NUP214: variants seen among roughly 807,000 people sequenced by gnomAD.
NUP214 encodes the protein nucleoporin 214.
A neutral mutation model predicts 196.2 loss-of-function variants in NUP214; 79 were observed. That is an observed-to-expected ratio of 0.40 (90% CI 0.34 to 0.49). The LOEUF (loss-of-function observed/expected upper bound fraction) is 0.49. NUP214 is among the 20% of genes least tolerant of loss of function. The probability of loss-of-function intolerance (pLI) is 0.58; values close to 1 mark genes in which losing one functional copy is unlikely to be tolerated. For missense variants in NUP214, 2,468 were observed against 2,539.0 expected (o/e 0.97, Z 0.60); for synonymous variants, 1,020 against 990.5 (o/e 1.03, Z -0.56).
intron 30 of NUP214, among the ~76,000 whole-genome samples, chr9:131,202,695 G>A (rs1280660684): frequency 6.6e-6 from 1 of 151,948 alleles, no homozygotes; most frequent in Non-Finnish European, 1.5e-5. Flanking sequence ...GCCCGCCTTG[G>A]CCTCTCAAAG....
intron 30 of NUP214, among the ~76,000 whole-genome samples, chr9:131,212,074 C>G (rs1834258757): frequency 6.6e-6 from 1 of 152,164 alleles, no homozygotes; most frequent in South Asian, 2.1e-4. Context: ...GGAGAGGTCT[C>G]TAAAATGGCC....
In NUP214 at chr9:131,144,342, G is replaced by A. The variant is rs778869826; in HGVS notation, c.1357G>A (p.Ala453Thr). The A allele has an allele frequency of 1.2e-6, 2 of 1,614,066 alleles. No homozygotes were observed. The highest frequency in any genetic ancestry group is 1.7e-6 in the Non-Finnish European group (2 of 1,180,026). ...APQKLDASAA[A>T]APASLPPSSP... ...ACAGAAACTGGATGCTTCTGCAGCT[G>A]CAGCCCCTGCCTCTCTGCCACCTTC... is the stretch of plus-strand genomic sequence containing the variant. Residue 453 changes from alanine to threonine, a missense_variant, in exon 12 of 36, where the codon GCA becomes ACA. By Grantham distance (58) the Ala-to-Thr change is moderately conservative. Transcript: ENST00000359428.
chr9:131,229,562 G>A (rs1301241705), intron 33 of NUP214: 18 of 396,290 alleles, frequency 4.5e-5, no homozygotes, highest in Middle Eastern at 5.5e-4. Flanking sequence ...GCCTTGGGGC[G>A]GCTCTCACAC....
In NUP214 at chr9:131,222,829, C is replaced by A; in HGVS notation, c.5801C>A (p.Ala1934Asp). Residue 1934 changes from alanine (A) to aspartate (D), a missense_variant, in exon 32 of 36, where the codon GCC becomes GAC. Ala to Asp is a moderately radical substitution (Grantham distance 126). Coordinates refer to ENST00000359428, the MANE Select transcript of NUP214 (RefSeq NM_005085.4). ...GGGGCCAAGACATTTGGTGGATTTG[C>A]CAGCTCGTCGTTTGGAGAGCAGAAA... ...NSGAKTFGGF[A>D]SSSFGEQKPT... 6.2e-7 allele frequency: 1 copy of A among 1,614,198 alleles called. No individual in the cohort carries two copies. The highest frequency in any genetic ancestry group is 1.1e-5 in the South Asian group (1 of 91,086).
At position 131,128,407 on chromosome 9, in the gene NUP214, C is replaced by T. The variant is rs149804256; in HGVS notation, c.317C>T (p.Thr106Ile). The T allele has an allele frequency of 1.4e-4, 228 of 1,613,930 alleles. No homozygotes were observed. The African/African-American group carries it at 2.9e-3, about 20-fold the overall frequency. Residue 106 changes from threonine (T) to isoleucine (I), a missense_variant, in exon 3 of 36, where the codon ACA becomes ATA. By Grantham distance (89) the Thr-to-Ile change is moderately conservative (BLOSUM62 -1). Coordinates refer to ENST00000359428, the MANE Select transcript of NUP214 (RefSeq NM_005085.4). ...CTGGCCTTGAGCTGTGATAACCTCA[C>T]ACTCTCTGCGTGCATGATGTCCAGT... is the stretch of plus-strand genomic sequence containing the variant. Reference protein sequence around the residue: ...HHLALSCDNLTLSACMMSSEY... With the variant: ...HHLALSCDNLILSACMMSSEY...
Position 131,139,417 on chromosome 9 carries a change from G to T in NUP214, c.1132+10G>T. On this transcript the variant is annotated intron_variant, in intron 10 of 35. Transcript: ENST00000359428. ...GTGGAAATCACCATCAGTAAGTGTA[G>T]CCTGGTAGTTAGTGCAGAAATAGTC... 6.2e-7 allele frequency: 1 copy of T among 1,601,924 alleles called. No homozygotes were observed. Among genetic ancestry groups the T allele is most frequent in the Non-Finnish European group, 8.5e-7 (1 of 1,176,266 alleles).
At chr9:131,178,159 A>G (rs1335809625) in intron 23 of NUP214, 152 bp from the exon 24 acceptor site, 2 of 625,100 alleles carry the variant, frequency 3.2e-6, no homozygotes, top group Non-Finnish European at 5.7e-6. Flanking sequence ...TTTGAACACA[A>G]TGCTGCAAGA....
Position 131,215,221 on chromosome 9 carries a change from T to G in NUP214, c.5602T>G (p.Ser1868Ala). ...GGIVFGQQSS[S>A]SSGSVFGSGN... is the part of the protein sequence containing the mutation. ...CCCTTTTGTTTTTTAGCAATCATCCTCTTCCAGTGGTAGCGTGTTTGGGTC... is the reference window on the plus strand; with the variant it reads ...CCCTTTTGTTTTTTAGCAATCATCCGCTTCCAGTGGTAGCGTGTTTGGGTC... The change falls in exon 31 of 36, where the codon TCT (serine) becomes GCT (alanine). Residue 1868 changes from serine (S) to alanine (A), a missense_variant. Physicochemically the swap from Ser to Ala is moderately conservative, Grantham distance 99. Coordinates refer to ENST00000359428, the MANE Select transcript of NUP214 (RefSeq NM_005085.4). The G allele has an allele frequency of 1.3e-6, 2 of 1,537,460 alleles. No individual in the cohort carries two copies. Among genetic ancestry groups the G allele is most frequent in the Non-Finnish European group, 8.7e-7 (1 of 1,145,522 alleles).
In NUP214 at chr9:131,215,242, G is replaced by A; in HGVS notation, c.5623G>A (p.Gly1875Arg). 1 of 1,582,476 alleles carries A rather than the reference G, an allele frequency of 6.3e-7. No homozygotes were observed. The highest frequency in any genetic ancestry group is 8.6e-7 in the Non-Finnish European group (1 of 1,165,702). Residue 1875 changes from glycine to arginine, a missense_variant, in exon 31 of 36, where the codon GGG becomes AGG. Physicochemically the swap from Gly to Arg is moderately radical, Grantham distance 125. This residue lies in a region of NUP214 where 262 missense variants were observed against 296.5 expected (regional missense o/e 0.88). Coordinates refer to ENST00000359428, the MANE Select transcript of NUP214 (RefSeq NM_005085.4). ...ATCCTCTTCCAGTGGTAGCGTGTTT[G>A]GGTCTGGAAACACTGGAAGAGGGGG... The part of the protein sequence containing the change: ...QSSSSSGSVF[G>R]SGNTGRGGGF...
At chr9:131,207,460 C>A (rs1834118263) in intron 30 of NUP214, among the ~76,000 whole-genome samples, 1 of 152,186 alleles carries the variant, frequency 6.6e-6, no homozygotes, top group Non-Finnish European at 1.5e-5. Flanking sequence ...TACATTTGGC[C>A]TATGTAGCCT....
chr9:131,173,516 C>A (rs1471218169), intron 21 of NUP214, among the ~76,000 whole-genome samples: 1 of 151,520 alleles, frequency 6.6e-6, no homozygotes, highest in African/African-American at 2.4e-5. Context: ...ATAGGCCTGA[C>A]CCACTGCACC....
chr9:131,212,162 C>T (rs1186711944), intron 30 of NUP214, among the ~76,000 whole-genome samples: 1 of 152,164 alleles, frequency 6.6e-6, no homozygotes, highest in African/African-American at 2.4e-5. Flanking sequence ...CCCCAGGCCT[C>T]TTAGGATTGG....
intron 24 of NUP214, among the ~76,000 whole-genome samples, chr9:131,185,071 T>C (rs1433495865): frequency 1.3e-5 from 2 of 152,258 alleles, no homozygotes; most frequent in Non-Finnish European, 2.9e-5. Flanking sequence ...TGAAATAAGT[T>C]ACAAGAAGTT....
intron 17 of NUP214, among the ~76,000 whole-genome samples, chr9:131,157,274 C>T (rs1309179043): frequency 1.3e-5 from 2 of 151,892 alleles, no homozygotes; most frequent in African/African-American, 4.8e-5. Context: ...GATCCTTCTG[C>T]TTCAGCCTCC....
At position 131,159,448 on chromosome 9, in the gene NUP214, G is replaced by A; in HGVS notation, c.2502G>A (p.Leu834=). 6.2e-7 allele frequency: 1 copy of A among 1,614,062 alleles called. No homozygotes were observed. Among genetic ancestry groups the A allele is most frequent in the Non-Finnish European group, 8.5e-7 (1 of 1,179,976 alleles). The change falls in exon 18 of 36, where the codon TTG becomes TTA. Residue 834 remains leucine, a synonymous_variant. Transcript: ENST00000359428. Reference sequence around the variant, plus strand: ...AAGATGTGAATGATGTTCTAGACTTGGAGTGGGATCAGCATCTGGAACAAA... The same window carrying A: ...AAGATGTGAATGATGTTCTAGACTTAGAGTGGGATCAGCATCTGGAACAAA... ...AVQDVNDVLD[L]EWDQHLEQKK... is the part of the protein sequence containing the mutation.
At chr9:131,204,160 C>T (rs1834014151) in intron 30 of NUP214, among the ~76,000 whole-genome samples, 2 of 152,320 alleles carry the variant, frequency 1.3e-5, no homozygotes, top group South Asian at 4.1e-4. Flanking sequence ...CCAGAATAAG[C>T]GTCAGAAATC....
At chr9:131,162,724 C>G in intron 18 of NUP214, 1 of 413,178 alleles carries the variant, frequency 2.4e-6, no homozygotes, top group Non-Finnish European at 4.3e-6. Context: ...TTCCCAGGGC[C>G]TCTCTCAGGT....
chr9:131,125,671 G>T lies in NUP214; in HGVS notation c.-34G>T. 1.3e-6 allele frequency: 2 copies of T among 1,547,900 alleles called. No homozygotes were observed. The highest frequency in any genetic ancestry group is 2.4e-5 in the South Asian group (2 of 83,836). ...TCCGTGGGCAAGGCCGTGGGAGGCA[G>T]CGTTGGCTGCTTCGACACACTGAGG... On this transcript the variant is annotated 5_prime_UTR_variant, in exon 1 of 36. Coordinates refer to ENST00000359428, the MANE Select transcript of NUP214 (RefSeq NM_005085.4). This position sits in a 1 kb window ranked among gnomAD's most constrained non-coding sequence, Gnocchi z 4.1.
At chr9:131,202,689 G>A (rs1232075580) in intron 30 of NUP214, among the ~76,000 whole-genome samples, 5 of 151,764 alleles carry the variant, frequency 3.3e-5, no homozygotes, top group Admixed American at 6.6e-5. Context: ...TGATCTGCCC[G>A]CCTTGGCCTC....
Sources: gnomAD v4.1 joint callset for allele counts (sites outside exome capture counted in the v4.1 genomes callset) on GRCh38, gnomAD v4.1.1 for gene constraint, gnomAD v4.1.1 regional missense constraint, Gnocchi (gnomAD v3.1) non-coding constraint, MANE v1.5 for transcripts, NCBI Gene and HGNC (gene_info 2026-07-23, HGNC 2026-07-21) for gene names.